Variants in LYZL4 observed in about 807,000 individuals in gnomAD.
LYZL4 encodes lysozyme like 4.
A neutral mutation model predicts 17.6 loss-of-function variants in LYZL4; 13 were observed. That is an observed-to-expected ratio of 0.74 (90% CI 0.48 to 1.18). The LOEUF is 1.18. LYZL4 is among the 50% of genes most tolerant of loss of function. The pLI is 0.00. For missense variants in LYZL4, 174 were observed against 188.2 expected (o/e 0.92, Z 0.44); for synonymous variants, 64 against 67.7 (o/e 0.95, Z 0.27).
At chr3:42,397,709 G>A (rs1698578711) in intron 4 of LYZL4, among the ~76,000 whole-genome samples, 2 of 152,274 alleles carry the variant, frequency 1.3e-5, no homozygotes, top group Non-Finnish European at 1.5e-5. Flanking sequence ...AGAGTCACAT[G>A]ATGAGTCTTT....
chr3:42,406,958 CA>C lies in LYZL4; in HGVS notation c.179del (p.Met60ArgfsTer41). The C allele has an allele frequency of 6.2e-7, 1 of 1,614,184 alleles. No individual in the cohort carries two copies. The highest frequency in any genetic ancestry group is 1.1e-5 in the South Asian group (1 of 91,082). ...CCTCACGTGTGTTCTCGTAGATGGC[CA>C]TGGGGTTGAACTTGCTCTCGAAGTA... The part of the protein sequence containing the change: ...LAYFESKFNP[M>X]AIYENTREGY... On this transcript the variant is annotated frameshift_variant, in exon 3 of 5. Coordinates refer to ENST00000287748, the MANE Select transcript of LYZL4 (RefSeq NM_144634.4). LOFTEE classifies it high-confidence loss of function.
chr3:42,406,994 C>A lies in LYZL4; in HGVS notation c.144G>T (p.Val48=), dbSNP rs753095206. ...ACTTGCTCTCGAAGTAGGCCAGGCA[C>A]ACCCCTAAGATGGAACAGAAGGTGT... is the stretch of plus-strand genomic sequence containing the variant. ...YFEGYSLENW[V]CLAYFESKFN... is the part of the protein sequence containing the mutation. Residue 48 remains valine, a synonymous_variant, in exon 3 of 5, where the codon GTG becomes GTT. Transcript: ENST00000287748. The A allele has an allele frequency of 1.9e-6, 3 of 1,614,172 alleles. No homozygotes were observed. Among genetic ancestry groups the A allele is most frequent in the Non-Finnish European group, 2.5e-6 (3 of 1,180,026 alleles).
At chr3:42,380,256 AC>A in the LYZL4 span, among the ~76,000 whole-genome samples, 12 of 152,210 alleles carry the variant, frequency 7.9e-5, no homozygotes, top group Admixed American at 2.6e-4. Context: ...CCAAAAAAGG[AC>A]AGTGTTTACT....
chr3:42,408,478 TGC>T (rs1698804294), intron 1 of LYZL4, among the ~76,000 whole-genome samples: 1 of 152,124 alleles, frequency 6.6e-6, no homozygotes, highest in Admixed American at 6.5e-5. Flanking sequence ...TCACCCCGGG[TGC>T]CAACTTCTTG....
At chr3:42,379,803 T>G in the LYZL4 span, among the ~76,000 whole-genome samples, 737 of 152,320 alleles carry the variant, frequency 4.8e-3, 2 homozygotes, top group Non-Finnish European at 6.9e-3. Flanking sequence ...GTTGAAATCC[T>G]AATCCTCAAT....
At chr3:42,405,241 G>A (rs1026504105) in intron 3 of LYZL4, among the ~76,000 whole-genome samples, 1 of 152,072 alleles carries the variant, frequency 6.6e-6, no homozygotes. Flanking sequence ...GTAGAGACGG[G>A]GTTTCACCGT....
At chr3:42,377,620 ACT>A in the LYZL4 span, among the ~76,000 whole-genome samples, 22 of 89,486 alleles carry the variant, frequency 2.5e-4, no homozygotes, top group African/African-American at 1.0e-3. Flanking sequence ...GTGATGCATG[ACT>A]CTCTGTGTGT....
chr3:42,399,448 C>T (rs941427668), intron 4 of LYZL4, among the ~76,000 whole-genome samples: 10 of 152,208 alleles, frequency 6.6e-5, no homozygotes, highest in African/African-American at 2.2e-4. Context: ...CATTAGAGAA[C>T]TGGCAGATAA....
At chr3:42,363,780 A>G in the LYZL4 span, among the ~76,000 whole-genome samples, 1 of 152,194 alleles carries the variant, frequency 6.6e-6, no homozygotes, top group Non-Finnish European at 1.5e-5. Context: ...GATTCAAGCA[A>G]GAAGTATTTA....
the LYZL4 span, among the ~76,000 whole-genome samples, chr3:42,367,426 C>T: frequency 4.2e-3 from 637 of 152,228 alleles, 34 homozygotes; most frequent in Admixed American, 0.032. Flanking sequence ...GAAGAATAAG[C>T]GGACACAGAC....
At chr3:42,403,773 A>T (rs1698701342) in intron 4 of LYZL4, among the ~76,000 whole-genome samples, 1 of 152,226 alleles carries the variant, frequency 6.6e-6, no homozygotes, top group Non-Finnish European at 1.5e-5. Context: ...CATAATAAAC[A>T]CAGATTTAGT....
chr3:42,400,277 G>C (rs1698632547), intron 4 of LYZL4, among the ~76,000 whole-genome samples: 1 of 152,148 alleles, frequency 6.6e-6, no homozygotes, highest in Non-Finnish European at 1.5e-5. Flanking sequence ...CTGGATAACT[G>C]TCCTTTGGTT....
chr3:42,392,790 T>C (rs116647221), downstream of LYZL4, among the ~76,000 whole-genome samples: 1,054 of 152,254 alleles, frequency 6.9e-3, 10 homozygotes, highest in African/African-American at 0.022. Context: ...AGAGAGCTGC[T>C]TGAGGGATGC....
intron 3 of LYZL4, among the ~76,000 whole-genome samples, 181 bp from the exon 4 acceptor site, chr3:42,404,305 C>T (rs186644929): frequency 6.6e-6 from 1 of 152,220 alleles, no homozygotes; most frequent in Non-Finnish European, 1.5e-5. Flanking sequence ...CATCTTTTTA[C>T]CAGATCTATT....
intron 4 of LYZL4, among the ~76,000 whole-genome samples, chr3:42,399,598 G>A (rs1363478941): frequency 6.6e-6 from 1 of 152,076 alleles, no homozygotes; most frequent in Non-Finnish European, 1.5e-5. Context: ...GTGGACACTG[G>A]GATTCCATGT....
chr3:42,398,108 G>A (rs1231639664), intron 4 of LYZL4, among the ~76,000 whole-genome samples: 1 of 152,192 alleles, frequency 6.6e-6, no homozygotes, highest in Non-Finnish European at 1.5e-5. Context: ...TAGTTACAGA[G>A]TGGCAGGGAA....
the LYZL4 span, among the ~76,000 whole-genome samples, chr3:42,383,770 G>A: frequency 2.6e-5 from 4 of 151,830 alleles, no homozygotes; most frequent in African/African-American, 7.2e-5. Context: ...AAATAGAAAT[G>A]AAAAATAAAT....
At chr3:42,364,552 C>T in the LYZL4 span, among the ~76,000 whole-genome samples, 1 of 151,954 alleles carries the variant, frequency 6.6e-6, no homozygotes, top group South Asian at 2.1e-4. Context: ...ACCATGTTAG[C>T]CAGGCTGGTC....
downstream of LYZL4, among the ~76,000 whole-genome samples, chr3:42,393,337 G>GCACACA (rs3071913): frequency 4.9e-3 from 732 of 148,898 alleles, 4 homozygotes; most frequent in Middle Eastern, 0.024. Context: ...GTGTGCGCGT[G>GCACACA]CACACACACA....
Sources: gnomAD v4.1 joint callset for allele counts (sites outside exome capture counted in the v4.1 genomes callset) on GRCh38, gnomAD v4.1.1 for gene constraint, MANE v1.5 for transcripts, NCBI Gene and HGNC (gene_info 2026-07-23, HGNC 2026-07-21) for gene names.